The following CFAP58 variants were observed in gnomAD, a reference collection of about 807,000 sequenced individuals.
The protein encoded by CFAP58 is cilia- and flagella-associated protein 58.
CFAP58 carries 88 observed loss-of-function variants against 119.5 expected under a neutral mutation model. The ratio of observed to expected loss-of-function variants is 0.74; its 90% confidence interval spans 0.62 to 0.88. CFAP58 has a LOEUF of 0.88. CFAP58 is among the 40% of genes least tolerant of loss of function. The pLI is 0.00. For missense variants in CFAP58, 990 were observed against 1,021.2 expected (o/e 0.97, Z 0.42); for synonymous variants, 365 against 366.3 (o/e 1.00, Z 0.04).
the CFAP58 span, among the ~76,000 whole-genome samples, chr10:104,342,844 CAAAAAAA>C: frequency 4.1e-3 from 201 of 48,512 alleles, 1 homozygote; most frequent in Non-Finnish European, 6.3e-3. Flanking sequence ...GACCCTGTAT[CAAAAAAA>C]AAAAAAAAAA....
intron 3 of CFAP58, among the ~76,000 whole-genome samples, chr10:104,363,411 G>A (rs996079099): frequency 6.6e-6 from 1 of 152,176 alleles, no homozygotes; most frequent in East Asian, 1.9e-4. Context: ...TTGATGCATT[G>A]ATCCAACACT....
intron 15 of CFAP58, among the ~76,000 whole-genome samples, chr10:104,427,211 A>G (rs1157849473): frequency 6.6e-6 from 1 of 152,212 alleles, no homozygotes; most frequent in African/African-American, 2.4e-5. Context: ...CTGGGTTATT[A>G]ATAGAATTTG....
chr10:104,429,218 G>A (rs1169239165), intron 15 of CFAP58, among the ~76,000 whole-genome samples: 1 of 152,148 alleles, frequency 6.6e-6, no homozygotes, highest in African/African-American at 2.4e-5. Context: ...TCACTCAGAA[G>A]CATTTGACTC....
intron 14 of CFAP58, among the ~76,000 whole-genome samples, chr10:104,405,384 G>T (rs1163694763): frequency 6.6e-6 from 1 of 152,186 alleles, no homozygotes; most frequent in African/African-American, 2.4e-5. Flanking sequence ...TTCATTTACT[G>T]TCACATTAGT....
chr10:104,354,036 C>T (rs892717254), intron 1 of CFAP58, 130 bp downstream of exon 1: 3 of 1,152,672 alleles, frequency 2.6e-6, no homozygotes, highest in African/African-American at 3.0e-5. Context: ...TGCACCCTCA[C>T]TCACTCCCGC....
chr10:104,360,525 T>C (rs2014652314), intron 2 of CFAP58, among the ~76,000 whole-genome samples: 1 of 152,118 alleles, frequency 6.6e-6, no homozygotes, highest in African/African-American at 2.4e-5. Flanking sequence ...GTGCAGGATG[T>C]TACATAGGTA....
At position 104,450,707 on chromosome 10, in the gene CFAP58, TTATTTTTGA is replaced by T. The variant is rs1373754814; in HGVS notation, c.2510+505_2510+513del. Among the ~76,000 whole-genome samples, 865 of 144,472 alleles carry T rather than the reference TTATTTTTGA, an allele frequency of 6.0e-3. 5 individuals carry two copies. The highest frequency in any genetic ancestry group is 0.012 in the South Asian group (57 of 4,688). The allele number at this position is 144,472 out of a possible 152,430, so 94.8% of individuals were successfully genotyped here. A position where few individuals can be genotyped will look rare whatever the true frequency, so the allele number is the denominator to read the frequency against. On this transcript the variant is annotated intron_variant, in intron 17 of 17. Coordinates refer to ENST00000369704, the MANE Select transcript of CFAP58 (RefSeq NM_001008723.2). ...TTTATTTATTTATTTATTTATTTATTTATTTTTGATTTTTTTTTGTAGCAACAGGGTCTT... is the reference window on the plus strand; with the variant it reads ...TTTATTTATTTATTTATTTATTTATTTTTTTTTTTGTAGCAACAGGGTCTT...
chr10:104,450,287 C>T, intron 17 of CFAP58, 83 bp downstream of exon 17: 3 of 1,418,762 alleles, frequency 2.1e-6, no homozygotes, highest in Non-Finnish European at 2.9e-6. Flanking sequence ...CACAGAGTTG[C>T]AAGTTTCACT....
At chr10:104,421,107 C>T (rs759150085) in intron 15 of CFAP58, among the ~76,000 whole-genome samples, 5 of 152,080 alleles carry the variant, frequency 3.3e-5, no homozygotes, top group Non-Finnish European at 7.4e-5. Context: ...ACATCTTAAA[C>T]GTCAGAAGTC....
At position 104,395,871 on chromosome 10, in the gene CFAP58, A is replaced by G. The variant is rs144031258; in HGVS notation, c.1674+2396A>G. ...AGATACCCTTGGACAGGACAATTCA[A>G]TTTATGACTTTTCCAAGCCGATAGG... On this transcript the variant is annotated intron_variant, in intron 11 of 17. Coordinates refer to ENST00000369704, the MANE Select transcript of CFAP58 (RefSeq NM_001008723.2). Among the ~76,000 whole-genome samples, 1,110 of 152,274 alleles carry G rather than the reference A, an allele frequency of 7.3e-3. 11 individuals carry two copies. The highest frequency in any genetic ancestry group is 0.056 in the South Asian group (272 of 4,822).
rs780236532 is a variant in CFAP58 at position 104,447,762 on chromosome 10, C to T, written c.2321C>T (p.Ala774Val). The change falls in exon 16 of 18, where the codon GCG (alanine) becomes GTG (valine). Residue 774 changes from alanine to valine, a missense_variant. Physicochemically the swap from Ala to Val is moderately conservative, Grantham distance 64 (BLOSUM62 0). Transcript: ENST00000369704. Reference sequence around the variant, plus strand: ...GCCCGCCAGCCTGGACCTGAGGCTGCGGAACAGCTGAAGCTGTACCGACGC... The same window carrying T: ...GCCCGCCAGCCTGGACCTGAGGCTGTGGAACAGCTGAAGCTGTACCGACGC... The part of the protein sequence containing the change: ...VLARQPGPEA[A>V]EQLKLYRRTL... 8.7e-6 allele frequency: 14 copies of T among 1,613,966 alleles called. No homozygotes were observed. Among genetic ancestry groups the T allele is most frequent in the South Asian group, 6.6e-5 (6 of 91,074 alleles).
At chr10:104,389,404 T>C (rs1183453572) in intron 9 of CFAP58, among the ~76,000 whole-genome samples, 2 of 152,212 alleles carry the variant, frequency 1.3e-5, no homozygotes, top group African/African-American at 4.8e-5. Flanking sequence ...CCTTTCTCTG[T>C]GGCATTATTC....
rs116503239 is a variant in CFAP58 at position 104,435,706 on chromosome 10, T to A, written c.2257-11992T>A. The stretch of plus-strand genomic sequence containing the variant: ...GTTAACCATTCTCCAGAGCATATTC[T>A]TGAACATTGCTTTTACTGCTTTCAC... On this transcript the variant is annotated intron_variant, in intron 15 of 17. Coordinates refer to ENST00000369704, the MANE Select transcript of CFAP58 (RefSeq NM_001008723.2). Among the ~76,000 whole-genome samples, 483 of 152,344 alleles carry A rather than the reference T, an allele frequency of 3.2e-3. 1 individual carries two copies. The highest frequency in any genetic ancestry group is 0.011 in the African/African-American group (466 of 41,586).
At chr10:104,423,230 A>G (rs146325137) in intron 15 of CFAP58, among the ~76,000 whole-genome samples, 258 of 152,308 alleles carry the variant, frequency 1.7e-3, no homozygotes, top group African/African-American at 5.3e-3. Context: ...ATTCCCATGC[A>G]TTTGGAAACA....
At chr10:104,401,175 C>G (rs2012258452) in intron 13 of CFAP58, among the ~76,000 whole-genome samples, 1 of 152,106 alleles carries the variant, frequency 6.6e-6, no homozygotes. Flanking sequence ...CTGCATTTTA[C>G]AAAAGAATTT....
the CFAP58 span, among the ~76,000 whole-genome samples, chr10:104,342,666 CAAAAAAAA>C: frequency 0.38 from 34,525 of 90,534 alleles, 4,391 homozygotes; most frequent in Middle Eastern, 0.46. Context: ...CCCGTCTATA[CAAAAAAAA>C]AAAAAAAAAA....
intron 15 of CFAP58, among the ~76,000 whole-genome samples, chr10:104,445,955 C>T (rs1425260706): frequency 6.6e-6 from 1 of 152,194 alleles, no homozygotes; most frequent in Non-Finnish European, 1.5e-5. Context: ...AACCAGATTG[C>T]TTTCTCTCTG....
At chr10:104,400,590 A>C (rs1002344618) in intron 12 of CFAP58, 90 bp from the exon 13 acceptor site, 24 of 1,099,362 alleles carry the variant, frequency 2.2e-5, no homozygotes, top group Non-Finnish European at 2.9e-5. Flanking sequence ...GTGGGCGTTC[A>C]ATAGATACTC....
intron 15 of CFAP58, among the ~76,000 whole-genome samples, chr10:104,416,143 TG>T (rs1198239448): frequency 2.0e-5 from 3 of 152,194 alleles, no homozygotes; most frequent in Admixed American, 6.5e-5. Flanking sequence ...ATGAGAATAC[TG>T]AGGCATTTTC....
Sources: allele counts gnomAD v4.1 joint callset (sites outside exome capture counted in the v4.1 genomes callset), GRCh38; gene constraint gnomAD v4.1.1; transcripts MANE v1.5; gene names NCBI Gene and HGNC (gene_info 2026-07-23, HGNC 2026-07-21).